Variants in SLC26A5 observed in about 807,000 individuals in gnomAD.
SLC26A5 encodes solute carrier family 26 member 5, also known as prestin.
Under a neutral mutation model 81.0 loss-of-function variants are expected in SLC26A5, and 51 were observed. The observed-to-expected ratio is 0.63, with a 90% CI of 0.50 to 0.80. The LOEUF (loss-of-function observed/expected upper bound fraction) is 0.80. Ranked by LOEUF, SLC26A5 falls within the 30% of genes least tolerant of loss-of-function variation. SLC26A5 has a pLI of 0.00. For synonymous variants in SLC26A5, 325 were observed against 332.8 expected (o/e 0.98, Z 0.25); for missense variants, 771 against 905.8 (o/e 0.85, Z 1.91).
rs781434982 is a variant in SLC26A5 at position 103,366,033 on chromosome 7, T to G, written c.2041+10775A>C. On this transcript the variant is annotated intron_variant, in intron 19 of 19. Coordinates refer to the SLC26A5 transcript ENST00000339444. ...ATAACTTTTTACTTATTTTAAAATATTTTGAAACCAATTTTGAATTAATAA... is the reference window on the plus strand; with the variant it reads ...ATAACTTTTTACTTATTTTAAAATAGTTTGAAACCAATTTTGAATTAATAA... 3.3e-6 allele frequency: 5 copies of G among 1,503,060 alleles called. No individual in the cohort carries two copies. The Admixed American group carries it at 5.5e-5, about 17-fold the overall frequency. The allele number at this position is 1,503,060 out of a possible 1,614,324, so 93.1% of individuals were successfully genotyped here. A position where few individuals can be genotyped will look rare whatever the true frequency, so the allele number is the denominator to read the frequency against.
chr7:103,441,011 G>A (rs182667731), intron 2 of SLC26A5, among the ~76,000 whole-genome samples: 61 of 152,298 alleles, frequency 4.0e-4, no homozygotes, highest in Non-Finnish European at 2.2e-4. Flanking sequence ...AGGGAATCAA[G>A]GGCCATAAGC....
chr7:103,390,800 C>G (rs1822578886), intron 11 of SLC26A5, among the ~76,000 whole-genome samples: 1 of 151,922 alleles, frequency 6.6e-6, no homozygotes, highest in Admixed American at 6.6e-5. Context: ...ACAAGGGCCA[C>G]CAGAAGAGTT....
intron 4 of SLC26A5, among the ~76,000 whole-genome samples, chr7:103,413,325 G>A (rs1824658116): frequency 6.6e-6 from 1 of 152,174 alleles, no homozygotes; most frequent in Admixed American, 6.5e-5. Flanking sequence ...CTTTTTGCCA[G>A]TGGGTGATTT....
chr7:103,389,649 G>A (rs1822487242), intron 12 of SLC26A5, among the ~76,000 whole-genome samples: 1 of 152,120 alleles, frequency 6.6e-6, no homozygotes, highest in Admixed American at 6.5e-5. Flanking sequence ...TTGAGATGAA[G>A]TCTTGCTCTG....
intron 17 of SLC26A5, among the ~76,000 whole-genome samples, 171 bp from the exon 18 acceptor site, chr7:103,377,970 G>GT (rs1821483672): frequency 6.6e-6 from 1 of 152,162 alleles, no homozygotes; most frequent in African/African-American, 2.4e-5. Context: ...AAAAAAGGAT[G>GT]TATGTATAAC....
intron 9 of SLC26A5, among the ~76,000 whole-genome samples, chr7:103,393,885 C>A (rs904268159): frequency 1.3e-5 from 2 of 152,132 alleles, no homozygotes; most frequent in Admixed American, 1.3e-4. Context: ...AATAACTTAA[C>A]TGATACTAAT....
intron 8 of SLC26A5, among the ~76,000 whole-genome samples, chr7:103,403,246 T>C (rs545318630): frequency 2.0e-5 from 3 of 152,226 alleles, no homozygotes; most frequent in Non-Finnish European, 4.4e-5. Context: ...GACTGTTTGT[T>C]ATGATTTCCA....
chr7:103,389,661 C>T lies in SLC26A5; in HGVS notation c.1312-237G>A, dbSNP rs189845896. Reference sequence around the variant, plus strand: ...TTTTTGAGATGAAGTCTTGCTCTGTCGCCCAGGCTGGAGTGCAGTAGCGTA... The same window carrying T: ...TTTTTGAGATGAAGTCTTGCTCTGTTGCCCAGGCTGGAGTGCAGTAGCGTA... On this transcript the variant is annotated intron_variant, in intron 12 of 19. Coordinates refer to ENST00000306312, the MANE Select transcript of SLC26A5 (RefSeq NM_198999.3). 2.4e-3 allele frequency among the ~76,000 whole-genome samples: 364 copies of T among 152,168 alleles called. 3 individuals are homozygous for T. Among genetic ancestry groups the T allele is most frequent in the African/African-American group, 8.4e-3 (347 of 41,506 alleles).
intron 8 of SLC26A5, among the ~76,000 whole-genome samples, chr7:103,406,330 C>T (rs116427563): frequency 1.3e-5 from 2 of 152,272 alleles, no homozygotes; most frequent in African/African-American, 2.4e-5. Context: ...AGGGGAGTCT[C>T]CTAGTCTGTG....
chr7:103,442,343 G>T (rs908997490), intron 2 of SLC26A5, among the ~76,000 whole-genome samples: 1 of 152,028 alleles, frequency 6.6e-6, no homozygotes, highest in African/African-American at 2.4e-5. Flanking sequence ...TTGCTATGTT[G>T]GCCAAGCTGG....
Position 103,379,126 on chromosome 7 carries a change from AAGAG to A in SLC26A5, c.1677+113_1677+116del, listed in dbSNP as rs1343255120. ...TGTTATGTATATTTTACTACAATAA[AAGAG>A]AGAGAAACAAAGCGAGAATGAAATA... On this transcript the variant is annotated intron_variant, in intron 16 of 19. Transcript: ENST00000306312. 3 of 767,594 alleles carry A rather than the reference AAGAG, an allele frequency of 3.9e-6. No individual in the cohort carries two copies. In the South Asian group the frequency reaches 4.5e-5, roughly 11 times the overall value. 47.5% of individuals were successfully genotyped at this position (767,594 alleles called of 1,614,324 possible). A position where few individuals can be genotyped will look rare whatever the true frequency, so the allele number is the denominator to read the frequency against.
At chr7:103,409,742 C>CT (rs1383117876) in intron 7 of SLC26A5, among the ~76,000 whole-genome samples, 1 of 151,700 alleles carries the variant, frequency 6.6e-6, no homozygotes. Flanking sequence ...GAGTCTTGCT[C>CT]TGTCGCTCAG....
chr7:103,423,226 C>T (rs1047077427), intron 2 of SLC26A5, among the ~76,000 whole-genome samples: 6 of 151,880 alleles, frequency 4.0e-5, no homozygotes, highest in African/African-American at 9.7e-5. Flanking sequence ...GAGCTGAGAT[C>T]GCGCCATTGT....
intron 19 of SLC26A5, chr7:103,364,446 T>A (rs1820583939): frequency 3.2e-6 from 3 of 932,960 alleles, no homozygotes; most frequent in Non-Finnish European, 4.7e-6. Context: ...TCTCATTGTG[T>A]TGCCCAGGCT....
intron 3 of SLC26A5, 46 bp downstream of exon 3, chr7:103,421,317 A>G (rs1259790438): frequency 6.2e-7 from 1 of 1,608,432 alleles, no homozygotes; most frequent in East Asian, 2.2e-5. Context: ...TGCGCCTCTC[A>G]TAACTGAATG....
chr7:103,399,344 A>G (rs1823394055), intron 8 of SLC26A5, among the ~76,000 whole-genome samples: 1 of 152,206 alleles, frequency 6.6e-6, no homozygotes, highest in Non-Finnish European at 1.5e-5. Flanking sequence ...CTCCAAGTCA[A>G]AATGGGAACT....
intron 2 of SLC26A5, among the ~76,000 whole-genome samples, chr7:103,434,385 A>G (rs1562809281): frequency 6.6e-6 from 1 of 152,124 alleles, no homozygotes; most frequent in Non-Finnish European, 1.5e-5. Context: ...ATCTCTGTGT[A>G]TTCTTGACTT....
chr7:103,426,566 C>T (rs942734403), intron 2 of SLC26A5, among the ~76,000 whole-genome samples: 4 of 152,250 alleles, frequency 2.6e-5, no homozygotes, highest in African/African-American at 9.6e-5. Flanking sequence ...AGACGATTCT[C>T]AAATATTTTT....
intron 8 of SLC26A5, 96 bp from the exon 9 acceptor site, chr7:103,398,110 TCTCA>T (rs1236490531): frequency 6.3e-6 from 6 of 947,012 alleles, no homozygotes; most frequent in Non-Finnish European, 8.6e-6. Context: ...TCAAATCTAT[TCTCA>T]CTTTTAACAT....
Sources: allele counts gnomAD v4.1 joint callset (sites outside exome capture counted in the v4.1 genomes callset), GRCh38; gene constraint gnomAD v4.1.1; transcripts MANE v1.5; gene names NCBI Gene and HGNC (gene_info 2026-07-23, HGNC 2026-07-21).